The following FAT4 variants were observed in gnomAD, a reference collection of about 807,000 sequenced individuals.
FAT4 encodes the protein FAT atypical cadherin 4.
In FAT4, 84 loss-of-function variants were observed where a neutral mutation model predicts 303.9. The ratio of observed to expected loss-of-function variants is 0.28; its 90% CI spans 0.23 to 0.33. The LOEUF is 0.33. FAT4 is among the 10% of genes least tolerant of loss of function. The pLI is 1.00. For missense variants in FAT4, 6,005 were observed against 6,146.8 expected, an observed-to-expected ratio of 0.98 and a Z score of 0.77; for synonymous variants, 2,307 against 2,298.8, an observed-to-expected ratio of 1.00 and a Z score of -0.10.
chr4:125,338,795 A>AT (rs139536663), intron 2 of FAT4, among the ~76,000 whole-genome samples: 4 of 152,036 alleles, frequency 2.6e-5, no homozygotes, highest in Admixed American at 2.0e-4. Flanking sequence ...TTGGAAATGA[A>AT]TTTTTTTTAA....
At chr4:125,463,766 T>A in intron 11 of FAT4, 99 bp downstream of exon 11, 1 of 583,290 alleles carries the variant, frequency 1.7e-6, no homozygotes, top group Non-Finnish European at 3.0e-6. Context: ...AAAAAATTAT[T>A]GTTTTACATG....
At position 125,337,507 on chromosome 4, in the gene FAT4, C is replaced by A. The variant is rs553027632; in HGVS notation, c.5175+15921C>A. On this transcript the variant is annotated intron_variant, in intron 2 of 17. Transcript: ENST00000394329. ...AAATACTTAAAAATAAATGAATCAA[C>A]ATTTGCTTTTAATAATGACCCTGAG... 5.9e-5 allele frequency among the ~76,000 whole-genome samples: 9 copies of A among 152,058 alleles called. No homozygotes were observed. The South Asian group carries it at 1.9e-3, about 32-fold the overall frequency.
chr4:125,485,054 T>A (rs1727361087), intron 16 of FAT4, among the ~76,000 whole-genome samples: 2 of 152,056 alleles, frequency 1.3e-5, no homozygotes, highest in African/African-American at 2.4e-5. Context: ...AGGTTTCACA[T>A]GTTGCCTAAA....
Position 125,316,252 on chromosome 4 carries a change from C to A in FAT4, c.-12-148C>A. On this transcript the variant is annotated intron_variant, in intron 1 of 17. Coordinates refer to ENST00000394329, the MANE Select transcript of FAT4 (RefSeq NM_001291303.3). The surrounding 1 kb of genome is among the most constrained non-coding windows in gnomAD (Gnocchi z 5.7). ...GGCTACCTAGAGTCTTTTGCTGATG[C>A]TACTTGCTTTTGCCGGACTGGAGGT... is the stretch of plus-strand genomic sequence containing the variant. 1.1e-6 allele frequency: 1 copy of A among 950,830 alleles called. No individual in the cohort carries two copies. The highest frequency in any genetic ancestry group is 1.6e-6 in the Non-Finnish European group (1 of 637,374). The allele number at this position is 950,830 out of a possible 1,614,324, so 58.9% of individuals were successfully genotyped here. A position where few individuals can be genotyped will look rare whatever the true frequency, so the allele number is the denominator to read the frequency against.
At chr4:125,405,045 G>A (rs1012507302) in intron 3 of FAT4, among the ~76,000 whole-genome samples, 2 of 150,004 alleles carry the variant, frequency 1.3e-5, no homozygotes, top group African/African-American at 2.5e-5. Context: ...TGCTGATTTA[G>A]CATCCCTAAT....
chr4:125,444,392 C>T (rs2126053040), intron 8 of FAT4, among the ~76,000 whole-genome samples: 1 of 152,212 alleles, frequency 6.6e-6, no homozygotes, highest in East Asian at 1.9e-4. Context: ...CTCACTCCCT[C>T]AATAACTAAC....
At chr4:125,405,859 AT>A (rs1017324119) in intron 3 of FAT4, among the ~76,000 whole-genome samples, 3 of 151,902 alleles carry the variant, frequency 2.0e-5, no homozygotes, top group Admixed American at 6.6e-5. Flanking sequence ...GACCTTAACC[AT>A]TTTTTTATTG....
At position 125,434,460 on chromosome 4, in the gene FAT4, T is replaced by C. The variant is rs925920920; in HGVS notation, c.7199+35T>C. 3.1e-6 allele frequency: 5 copies of C among 1,592,406 alleles called. No individual in the cohort carries two copies. The Admixed American group carries it at 5.1e-5, about 16-fold the overall frequency. Reference sequence around the variant, plus strand: ...TTTTCCTTTGTAAAGTTTGTCTGTTTTCTCATTAAACATTAGTTTTTGAAC... The same window carrying C: ...TTTTCCTTTGTAAAGTTTGTCTGTTCTCTCATTAAACATTAGTTTTTGAAC... On this transcript the variant is annotated intron_variant, in intron 8 of 17. Transcript: ENST00000394329.
rs557600491 is a variant in FAT4, at chr4:125,463,634, G to A, written c.11872G>A (p.Gly3958Ser). 9 of 1,597,792 alleles carry A rather than the reference G, an allele frequency of 5.6e-6. No individual in the cohort carries two copies. In the East Asian group the frequency reaches 1.8e-4, roughly 32 times the overall value. ...CTTTAATGGTGGTTCCTGCCAAAGTGGTGTGGATTCTTATTATTGTCATTG... is the reference window on the plus strand; with the variant it reads ...CTTTAATGGTGGTTCCTGCCAAAGTAGTGTGGATTCTTATTATTGTCATTG... ...PCFNGGSCQS[G>S]VDSYYCHCPF... Residue 3958 changes from glycine to serine, a missense_variant, in exon 11 of 18, where the codon GGT becomes AGT. By Grantham distance (56) the Gly-to-Ser change is moderately conservative. Transcript: ENST00000394329.
At chr4:125,458,595 C>T (rs987545568) in intron 10 of FAT4, among the ~76,000 whole-genome samples, 1 of 151,860 alleles carries the variant, frequency 6.6e-6, no homozygotes, top group African/African-American at 2.4e-5. Context: ...AGGCAGTTTA[C>T]ATTAGGTAAT....
rs1435206806 is a variant in FAT4 at position 125,318,378 on chromosome 4, C to G, written c.1967C>G (p.Ser656Cys). Residue 656 changes from serine to cysteine, a missense_variant, in exon 2 of 18, where the codon TCC (serine) becomes TGC (cysteine). Coordinates refer to ENST00000394329, the MANE Select transcript of FAT4 (RefSeq NM_001291303.3). ...SLDREEQAFYSLLVLATDLGS... is the reference protein window; with the variant it reads ...SLDREEQAFYCLLVLATDLGS... ...GACAGAGAAGAGCAAGCCTTCTACT[C>G]CCTGTTGGTTCTGGCCACAGATCTG... 2 of 1,614,042 alleles carry G rather than the reference C, an allele frequency of 1.2e-6. No homozygotes were observed. The highest frequency in any genetic ancestry group is 3.3e-5 in the Admixed American group (2 of 60,014).
chr4:125,462,807 T>C (rs537451384), intron 10 of FAT4, among the ~76,000 whole-genome samples: 1 of 152,154 alleles, frequency 6.6e-6, no homozygotes, highest in Admixed American at 6.6e-5. Flanking sequence ...CCTACTGAAA[T>C]GGAAACACAG....
chr4:125,353,251 ATTTACTGATGATAGT>A, intron 2 of FAT4, among the ~76,000 whole-genome samples: 1 of 151,890 alleles, frequency 6.6e-6, no homozygotes, highest in South Asian at 2.1e-4. Context: ...ACCAGCCAGC[ATTTACTGATGATAGT>A]TTACAGAAGT....
At chr4:125,410,308 T>A (rs4834032) in intron 5 of FAT4, among the ~76,000 whole-genome samples, 150,821 of 152,232 alleles carry the variant, frequency 0.99, 74,726 homozygotes, top group East Asian at 1. Flanking sequence ...TTAATAAGAA[T>A]CTCAAGAACT....
intron 8 of FAT4, 132 bp downstream of exon 8, chr4:125,434,557 A>T (rs1283721844): frequency 1.5e-6 from 1 of 648,962 alleles, no homozygotes; most frequent in Non-Finnish European, 2.5e-6. Context: ...TCCATTGCTG[A>T]TAGCCAACAA....
chr4:125,402,764 A>C (rs1028182333), intron 3 of FAT4, among the ~76,000 whole-genome samples: 1 of 152,064 alleles, frequency 6.6e-6, no homozygotes, highest in African/African-American at 2.4e-5. Flanking sequence ...TCAGCTTTAC[A>C]TGCCTATACA....
At position 125,490,275 on chromosome 4, in the gene FAT4, G is replaced by A. The variant is rs1475238649; in HGVS notation, c.13459G>A (p.Ala4487Thr). Residue 4487 changes from alanine to threonine, a missense_variant, in exon 18 of 18, where the codon GCG (alanine) becomes ACG (threonine). Coordinates refer to ENST00000394329, the MANE Select transcript of FAT4 (RefSeq NM_001291303.3). Reference sequence around the variant, plus strand: ...GAAGGTGTGCAAAGCTGGAAGTCCTGCGGGGCATGTCTGTGTTCTGAGTCA... The same window carrying A: ...GAAGGTGTGCAAAGCTGGAAGTCCTACGGGGCATGTCTGTGTTCTGAGTCA... ...QGKVCKAGSP[A>T]GHVCVLSQGP... 1 of 1,613,998 alleles carries A rather than the reference G, an allele frequency of 6.2e-7. No homozygotes were observed. Among genetic ancestry groups the A allele is most frequent in the African/African-American group, 1.3e-5 (1 of 74,900 alleles).
chr4:125,482,395 T>C (rs2126087897), intron 16 of FAT4, among the ~76,000 whole-genome samples: 1 of 152,272 alleles, frequency 6.6e-6, no homozygotes, highest in South Asian at 2.1e-4. Context: ...GTAAATAAGA[T>C]ACTAGACTTA....
At chr4:125,438,958 T>A (rs575641626) in intron 8 of FAT4, among the ~76,000 whole-genome samples, 11 of 152,294 alleles carry the variant, frequency 7.2e-5, no homozygotes, top group Non-Finnish European at 1.5e-4. Flanking sequence ...ATAAGTTAAT[T>A]TTTTTCCAAT....
Sources: allele counts gnomAD v4.1 joint callset (sites outside exome capture counted in the v4.1 genomes callset), GRCh38; gene constraint gnomAD v4.1.1; non-coding constraint Gnocchi (gnomAD v3.1); transcripts MANE v1.5; gene names NCBI Gene and HGNC (gene_info 2026-07-23, HGNC 2026-07-21).